The following ROBO2 variants were observed in gnomAD, a reference collection of about 807,000 sequenced individuals.
ROBO2 encodes roundabout guidance receptor 2.
Under a neutral mutation model 160.8 loss-of-function variants are expected in ROBO2, and 53 were observed. The ratio of observed to expected loss-of-function variants is 0.33; its 90% CI spans 0.26 to 0.41. The LOEUF (loss-of-function observed/expected upper bound fraction) is 0.41, where lower values mean the gene tolerates loss of function less well. ROBO2 is among the 10% of genes least tolerant of loss of function. The pLI is 1.00. For synonymous variants in ROBO2, 664 were observed against 611.7 expected, an observed-to-expected ratio of 1.09 and a Z score of -1.26; for missense variants, 1,577 against 1,722.4, an observed-to-expected ratio of 0.92 and a Z score of 1.49.
intron 2 of ROBO2, among the ~76,000 whole-genome samples, chr3:76,450,954 G>T (rs970464804): frequency 6.6e-6 from 1 of 152,086 alleles, no homozygotes; most frequent in Non-Finnish European, 1.5e-5. Context: ...AGATTTGAGT[G>T]GCTTAGGATC....
chr3:76,847,161 G>C (rs558407979), intron 2 of ROBO2, among the ~76,000 whole-genome samples: 1 of 152,138 alleles, frequency 6.6e-6, no homozygotes, highest in South Asian at 2.1e-4. Flanking sequence ...AGGTGGCATA[G>C]CACATACACT....
At chr3:77,249,772 T>C (rs2090137897) in intron 2 of ROBO2, among the ~76,000 whole-genome samples, 1 of 152,018 alleles carries the variant, frequency 6.6e-6, no homozygotes, top group South Asian at 2.1e-4. Context: ...AAAACAATTG[T>C]CTTACACCAA....
At chr3:76,940,261 C>T (rs1425343987) in intron 2 of ROBO2, among the ~76,000 whole-genome samples, 2 of 152,096 alleles carry the variant, frequency 1.3e-5, no homozygotes, top group Admixed American at 6.6e-5. Context: ...GGATTACAGG[C>T]GTGAGCCACT....
intron 2 of ROBO2, among the ~76,000 whole-genome samples, chr3:77,466,803 C>T (rs559912356): frequency 1.3e-5 from 2 of 152,280 alleles, no homozygotes; most frequent in South Asian, 2.1e-4. Context: ...TCCAGGACAC[C>T]CTTGCACTGT....
intron 2 of ROBO2, among the ~76,000 whole-genome samples, chr3:76,695,636 T>C (rs1388309693): frequency 2.6e-5 from 4 of 152,194 alleles, no homozygotes; most frequent in Non-Finnish European, 5.9e-5. Flanking sequence ...CAAACACTTG[T>C]GGTACTATTT....
chr3:76,382,355 G>A (rs1298475552), intron 2 of ROBO2, among the ~76,000 whole-genome samples: 2 of 152,152 alleles, frequency 1.3e-5, no homozygotes, highest in Admixed American at 1.3e-4. Flanking sequence ...TTGGGAGGCC[G>A]AGGCAGGCGG....
At chr3:77,614,596 C>G (rs900605160) in intron 21 of ROBO2, among the ~76,000 whole-genome samples, 19 of 151,896 alleles carry the variant, frequency 1.3e-4, no homozygotes, top group African/African-American at 4.4e-4. Flanking sequence ...ATAAAATGGC[C>G]ATGGAAATGA....
intron 2 of ROBO2, among the ~76,000 whole-genome samples, chr3:77,016,881 G>A (rs911366078): frequency 6.6e-6 from 1 of 152,130 alleles, no homozygotes; most frequent in Non-Finnish European, 1.5e-5. Flanking sequence ...CTATATGTAC[G>A]TGAAAGTCGG....
intron 2 of ROBO2, among the ~76,000 whole-genome samples, chr3:77,286,136 T>G (rs1039984392): frequency 2.6e-5 from 4 of 152,124 alleles, no homozygotes; most frequent in African/African-American, 9.7e-5. Flanking sequence ...GTTGTAGACA[T>G]TACCTTATAC....
chr3:75,919,130 A>G (rs1946926601), intron 1 of ROBO2, among the ~76,000 whole-genome samples: 1 of 152,170 alleles, frequency 6.6e-6, no homozygotes, highest in Non-Finnish European at 1.5e-5. Context: ...TTCAAAGGGA[A>G]TGCTTCCAGC....
At chr3:76,602,074 TC>T (rs1329838382) in intron 2 of ROBO2, among the ~76,000 whole-genome samples, 2 of 152,144 alleles carry the variant, frequency 1.3e-5, no homozygotes, top group African/African-American at 4.8e-5. Context: ...TCGCCTTTGC[TC>T]CAGTTTCCAG....
intron 2 of ROBO2, among the ~76,000 whole-genome samples, chr3:76,449,598 C>T (rs2077370911): frequency 6.6e-6 from 1 of 152,140 alleles, no homozygotes; most frequent in African/African-American, 2.4e-5. Flanking sequence ...AACTCTCTAG[C>T]TACAGTTCCT....
At chr3:77,021,944 T>G (rs77559890) in intron 2 of ROBO2, among the ~76,000 whole-genome samples, 1 of 152,122 alleles carries the variant, frequency 6.6e-6, no homozygotes, top group African/African-American at 2.4e-5. Flanking sequence ...TACATTTATT[T>G]AAAAACTACC....
chr3:76,633,672 A>G (rs1361531341), intron 2 of ROBO2, among the ~76,000 whole-genome samples: 1 of 152,224 alleles, frequency 6.6e-6, no homozygotes, highest in Non-Finnish European at 1.5e-5. Flanking sequence ...ATGTAGGGAA[A>G]TAGTCTACGC....
chr3:77,402,478 A>G (rs939869392), intron 2 of ROBO2, among the ~76,000 whole-genome samples: 3 of 152,178 alleles, frequency 2.0e-5, no homozygotes, highest in African/African-American at 7.2e-5. Context: ...GTTGCAGCCC[A>G]TGTCAGGGAA....
chr3:77,306,947 C>T (rs549279806), intron 2 of ROBO2, among the ~76,000 whole-genome samples: 64 of 152,288 alleles, frequency 4.2e-4, no homozygotes, highest in Non-Finnish European at 7.9e-4. Context: ...TCTGACAATA[C>T]GCAATTTCAT....
chr3:77,526,013 C>T (rs2091117234), intron 6 of ROBO2, among the ~76,000 whole-genome samples: 2 of 151,270 alleles, frequency 1.3e-5, no homozygotes, highest in Non-Finnish European at 1.5e-5. Flanking sequence ...TTTTGATAGT[C>T]AATCTTGTAT....
chr3:77,081,819 C>G (rs2068696134), intron 1 of ROBO2, among the ~76,000 whole-genome samples: 1 of 152,150 alleles, frequency 6.6e-6, no homozygotes, highest in African/African-American at 2.4e-5. Context: ...TCAGGCTGAC[C>G]TGGAATTCTC....
At chr3:75,916,981 CTA>C (rs1232006385) in intron 1 of ROBO2, among the ~76,000 whole-genome samples, 3 of 46,892 alleles carry the variant, frequency 6.4e-5, no homozygotes, top group Non-Finnish European at 1.5e-4. Flanking sequence ...TGCATGTTTT[CTA>C]TATATATATA....
Sources: gnomAD v4.1 joint callset for allele counts (sites outside exome capture counted in the v4.1 genomes callset) on GRCh38, gnomAD v4.1.1 for gene constraint, MANE v1.5 for transcripts, NCBI Gene and HGNC (gene_info 2026-07-23, HGNC 2026-07-21) for gene names.